KIF26B: variants seen among roughly 807,000 people sequenced by gnomAD.
KIF26B encodes the protein kinesin-like protein KIF26B.
Under a neutral mutation model 151.2 loss-of-function variants are expected in KIF26B, and 63 were observed. The ratio of observed to expected loss-of-function variants is 0.42; its 90% CI spans 0.34 to 0.51. KIF26B has a LOEUF of 0.51. Ranked by LOEUF, KIF26B falls within the 20% of genes least tolerant of loss-of-function variation. The pLI, the probability that KIF26B is intolerant of heterozygous loss-of-function variation, is 0.07. For synonymous variants in KIF26B, 1,357 were observed against 1,262.1 expected (o/e 1.08, Z -1.59); for missense variants, 2,813 against 2,913.6 (o/e 0.97, Z 0.79).
chr1:245,402,625 G>A (rs1252645645), intron 3 of KIF26B, among the ~76,000 whole-genome samples: 1 of 152,164 alleles, frequency 6.6e-6, no homozygotes, highest in Middle Eastern at 3.2e-3. Context: ...CTAAATGTAC[G>A]CAGGGGACAA....
intron 2 of KIF26B, among the ~76,000 whole-genome samples, chr1:245,278,670 CA>C (rs1216247954): frequency 1.3e-5 from 2 of 152,194 alleles, no homozygotes; most frequent in African/African-American, 4.8e-5. Context: ...CTCCTACCCT[CA>C]CACGTTTACA....
chr1:245,293,879 AT>A (rs1169156235), intron 2 of KIF26B, among the ~76,000 whole-genome samples: 4 of 152,106 alleles, frequency 2.6e-5, no homozygotes, highest in African/African-American at 9.7e-5. Context: ...CACCCAGCCG[AT>A]TTCTTTTTAT....
chr1:245,250,315 A>G lies in KIF26B; in HGVS notation c.465+93632A>G, dbSNP rs145488750. ...CTTTAAAATTATTTAATATGGTAAGATGCTCCACATATCAGTTGAGAACTT... is the reference window on the plus strand; with the variant it reads ...CTTTAAAATTATTTAATATGGTAAGGTGCTCCACATATCAGTTGAGAACTT... On this transcript the variant is annotated intron_variant, in intron 2 of 14. Coordinates refer to ENST00000407071, the MANE Select transcript of KIF26B (RefSeq NM_018012.4). Among the ~76,000 whole-genome samples, 6 of 152,340 alleles carry G rather than the reference A, an allele frequency of 3.9e-5. No homozygotes were observed. In the East Asian group the frequency reaches 1.2e-3, roughly 29 times the overall value.
chr1:245,331,770 C>T (rs778349469), intron 2 of KIF26B, among the ~76,000 whole-genome samples: 2 of 152,158 alleles, frequency 1.3e-5, no homozygotes, highest in African/African-American at 2.4e-5. Context: ...TGATAGCGTA[C>T]ACTTCTTTCG....
At chr1:245,519,510 T>C (rs1661040044) in intron 4 of KIF26B, among the ~76,000 whole-genome samples, 1 of 150,936 alleles carries the variant, frequency 6.6e-6, no homozygotes, top group South Asian at 2.1e-4. Context: ...GTCGAGGTGG[T>C]ACCACTGCAC....
rs1024767843 is a variant in KIF26B at position 245,356,561 on chromosome 1, G to GA, written c.466-10263dup. Among the ~76,000 whole-genome samples the GA allele has an allele frequency of 5.4e-5, 8 of 148,146 alleles. No individual in the cohort carries two copies. In the East Asian group the frequency reaches 1.4e-3, roughly 26 times the overall value. ...GAGAGAGTGAGACTCTGTCTCAAAA[G>GA]AAAAAAAAAATTAAAAAATTCCTAA... On this transcript the variant is annotated intron_variant, in intron 2 of 14. Transcript: ENST00000407071.
intron 4 of KIF26B, among the ~76,000 whole-genome samples, chr1:245,471,464 A>G (rs898946260): frequency 1.3e-5 from 2 of 152,224 alleles, no homozygotes; most frequent in Admixed American, 6.5e-5. Flanking sequence ...CTAGATGACT[A>G]AAAGACACCT....
chr1:245,309,558 C>T (rs1432672902), intron 2 of KIF26B, among the ~76,000 whole-genome samples: 2 of 151,948 alleles, frequency 1.3e-5, no homozygotes, highest in African/African-American at 4.8e-5. Flanking sequence ...GATAGTCTCT[C>T]TTGGGTCGCC....
At chr1:245,175,793 T>A (rs922915718) in intron 2 of KIF26B, among the ~76,000 whole-genome samples, 4 of 152,016 alleles carry the variant, frequency 2.6e-5, no homozygotes, top group Non-Finnish European at 5.9e-5. Flanking sequence ...TCTTCTTGTG[T>A]AGAGTTAAAA....
chr1:245,506,322 T>C (rs1031945445), intron 4 of KIF26B, among the ~76,000 whole-genome samples: 1 of 152,226 alleles, frequency 6.6e-6, no homozygotes, highest in Non-Finnish European at 1.5e-5. Context: ...CTTTTTATTT[T>C]ACTTTACCCA....
intron 10 of KIF26B, among the ~76,000 whole-genome samples, chr1:245,649,920 C>T (rs1286143140): frequency 6.6e-6 from 1 of 152,236 alleles, no homozygotes; most frequent in Non-Finnish European, 1.5e-5. Flanking sequence ...AGGCACCCTC[C>T]ATGTGCGCTG....
chr1:245,312,960 G>T (rs953543766), intron 2 of KIF26B, among the ~76,000 whole-genome samples: 1 of 152,032 alleles, frequency 6.6e-6, no homozygotes, highest in Non-Finnish European at 1.5e-5. Context: ...AAGAGATCGA[G>T]ACCATCCTGG....
chr1:245,354,807 C>G (rs187689014), intron 2 of KIF26B, among the ~76,000 whole-genome samples: 1 of 152,230 alleles, frequency 6.6e-6, no homozygotes, highest in Non-Finnish European at 1.5e-5. Flanking sequence ...CCTCCTGCAT[C>G]GAGATTCATC....
At chr1:245,324,108 A>G (rs12741232) in intron 2 of KIF26B, among the ~76,000 whole-genome samples, 557 of 40,884 alleles carry the variant, frequency 0.014, 14 homozygotes, top group African/African-American at 0.038. Context: ...GGTGAGAGGT[A>G]GAGTTGGTGT....
chr1:245,165,349 C>T (rs1219766288), intron 2 of KIF26B, among the ~76,000 whole-genome samples: 2 of 152,094 alleles, frequency 1.3e-5, no homozygotes, highest in Non-Finnish European at 2.9e-5. Flanking sequence ...GGTGGTGCTG[C>T]CAGTTATGGA....
chr1:245,162,373 A>ATTT, intron 2 of KIF26B, among the ~76,000 whole-genome samples: 4 of 126,384 alleles, frequency 3.2e-5, no homozygotes, highest in African/African-American at 1.3e-4. Context: ...CATCAGAAAT[A>ATTT]TCTTTTTTTT....
At chr1:245,394,315 G>T (rs1416852263) in intron 3 of KIF26B, among the ~76,000 whole-genome samples, 1 of 152,174 alleles carries the variant, frequency 6.6e-6, no homozygotes, top group Non-Finnish European at 1.5e-5. Flanking sequence ...TTAACCAGAA[G>T]TATTTTTTTA....
chr1:245,484,706 C>CCTTCTT (rs10626727), intron 4 of KIF26B, among the ~76,000 whole-genome samples: 1 of 150,514 alleles, frequency 6.6e-6, no homozygotes, highest in Non-Finnish European at 1.5e-5. Flanking sequence ...TTCTCCTTCT[C>CCTTCTT]CTTCTTCTTT....
Position 245,702,782 on chromosome 1 carries a change from G to A in KIF26B, c.*176G>A. The A allele has an allele frequency of 1.5e-6, 1 of 649,790 alleles. No homozygotes were observed. The highest frequency in any genetic ancestry group is 2.5e-6 in the Non-Finnish European group (1 of 406,236). The allele number at this position is 649,790 out of a possible 1,614,324, so 40.3% of individuals were successfully genotyped here. On this transcript the variant is annotated 3_prime_UTR_variant, in exon 15 of 15. Coordinates refer to ENST00000407071, the MANE Select transcript of KIF26B (RefSeq NM_018012.4). The surrounding 1 kb of genome is among the most constrained non-coding windows in gnomAD (Gnocchi z 4.1). ...GTTTTCTTTTGTTTTCTGTAGGAAA[G>A]GTGCAAACGTCAAACACCGTGGAAG...
Sources: gnomAD v4.1 joint callset for allele counts (sites outside exome capture counted in the v4.1 genomes callset) on GRCh38, gnomAD v4.1.1 for gene constraint, Gnocchi (gnomAD v3.1) non-coding constraint, MANE v1.5 for transcripts, NCBI Gene and HGNC (gene_info 2026-07-23, HGNC 2026-07-21) for gene names.